Variants in KLHL3 observed in about 807,000 individuals in gnomAD.
KLHL3 encodes the protein kelch like family member 3.
A neutral mutation model predicts 70.5 loss-of-function variants in KLHL3; 19 were observed. The observed-to-expected ratio is 0.27, with a 90% confidence interval of 0.19 to 0.40. The LOEUF (loss-of-function observed/expected upper bound fraction) is 0.40, where lower values mean the gene tolerates loss of function less well. Among genes scored for constraint, KLHL3 ranks in the 10% least tolerant of loss-of-function variants. KLHL3 has a pLI of 1.00. For missense variants in KLHL3, 512 were observed against 771.1 expected (o/e 0.66, Z 3.98); for synonymous variants, 258 against 290.3 (o/e 0.89, Z 1.13).
intron 1 of KLHL3, among the ~76,000 whole-genome samples, chr5:137,733,808 T>C (rs1753217595): frequency 6.6e-6 from 1 of 152,124 alleles, no homozygotes; most frequent in South Asian, 2.1e-4. Context: ...AGTAGGTATA[T>C]GAGTGAGCAG....
At chr5:137,626,966 A>C (rs1029157756) in intron 13 of KLHL3, among the ~76,000 whole-genome samples, 3 of 152,062 alleles carry the variant, frequency 2.0e-5, no homozygotes, top group Admixed American at 2.0e-4. Context: ...ATGCCACTAC[A>C]ATCTAGCCTG....
intron 12 of KLHL3, among the ~76,000 whole-genome samples, chr5:137,632,285 G>A (rs904881680): frequency 2.0e-5 from 3 of 152,146 alleles, no homozygotes; most frequent in Non-Finnish European, 2.9e-5. Context: ...AACTAAAACA[G>A]CATGGTGCTG....
chr5:137,684,640 G>A (rs1752119312), intron 5 of KLHL3, among the ~76,000 whole-genome samples: 1 of 152,158 alleles, frequency 6.6e-6, no homozygotes, highest in African/African-American at 2.4e-5. Context: ...CTCTGCTGAT[G>A]GCCCAGTGTA....
chr5:137,733,004 C>T (rs1226937223), intron 1 of KLHL3, among the ~76,000 whole-genome samples: 1 of 152,060 alleles, frequency 6.6e-6, no homozygotes, highest in Non-Finnish European at 1.5e-5. Flanking sequence ...TTTTCATACC[C>T]TCATGGCAAA....
At chr5:137,637,470 G>T in intron 10 of KLHL3, 75 bp from the exon 11 acceptor site, 1 of 1,315,422 alleles carries the variant, frequency 7.6e-7, no homozygotes, top group Non-Finnish European at 1.1e-6. Flanking sequence ...GTGAGGATGG[G>T]GGAGGAGTCC....
intron 7 of KLHL3, 159 bp downstream of exon 7, chr5:137,661,756 C>T (rs1451336056): frequency 7.2e-6 from 4 of 557,180 alleles, no homozygotes; most frequent in Non-Finnish European, 1.3e-5. Context: ...TGCTCTTAAA[C>T]TTTACAACAC....
chr5:137,622,053 G>A lies in KLHL3; in HGVS notation c.*45C>T, dbSNP rs765065530. The A allele has an allele frequency of 1.9e-6, 3 of 1,609,822 alleles. No homozygotes were observed. The highest frequency in any genetic ancestry group is 4.5e-5 in the East Asian group (2 of 44,862). On this transcript the variant is annotated 3_prime_UTR_variant, in exon 15 of 15. Transcript: ENST00000309755. ...AAGGTCCTGCTGTTCAGAGTCACAG[G>A]CAGCACCTGCTCCTTCCTCCACCTC... is the stretch of plus-strand genomic sequence containing the variant.
In KLHL3 at chr5:137,638,981, G is replaced by A. The variant is rs773325605; in HGVS notation, c.1191C>T (p.Tyr397=). The change falls in exon 10 of 15, where the codon TAC becomes TAT. Residue 397 remains tyrosine, a synonymous_variant. Coordinates refer to ENST00000309755, the MANE Select transcript of KLHL3 (RefSeq NM_017415.3). ...LGAAVLNDLL[Y]AVGGFDGSTG... ...TACTGCCATCAAAGCCTCCCACTGC[G>A]TAGAGCAAGTCATTGAGCACCGCTG... 2.0e-5 allele frequency: 33 copies of A among 1,614,044 alleles called. No individual in the cohort carries two copies. The highest frequency in any genetic ancestry group is 8.0e-5 in the African/African-American group (6 of 74,944).
chr5:137,655,156 T>C (rs1751306528), intron 8 of KLHL3, among the ~76,000 whole-genome samples: 1 of 152,154 alleles, frequency 6.6e-6, no homozygotes, highest in African/African-American at 2.4e-5. Context: ...CAAAGGGAAA[T>C]GTCACAGACA....
At chr5:137,732,699 A>C (rs1420855027) in intron 1 of KLHL3, among the ~76,000 whole-genome samples, 1 of 152,178 alleles carries the variant, frequency 6.6e-6, no homozygotes, top group African/African-American at 2.4e-5. Context: ...AGTATAGGGT[A>C]CAACATAGCA....
chr5:137,665,399 T>G (rs1198833411), intron 6 of KLHL3, among the ~76,000 whole-genome samples: 1 of 152,188 alleles, frequency 6.6e-6, no homozygotes, highest in Non-Finnish European at 1.5e-5. Flanking sequence ...AAAGAGAATT[T>G]CCTCGTTCTT....
At chr5:137,686,782 ACTT>A (rs1752175823) in intron 5 of KLHL3, among the ~76,000 whole-genome samples, 1 of 152,206 alleles carries the variant, frequency 6.6e-6, no homozygotes, top group Admixed American at 6.5e-5. Context: ...ATCATTTTCT[ACTT>A]CTCCTCTAAA....
chr5:137,622,460 T>C (rs570446095), intron 14 of KLHL3, among the ~76,000 whole-genome samples: 1 of 152,384 alleles, frequency 6.6e-6, no homozygotes, highest in African/African-American at 2.4e-5. Flanking sequence ...GGGGCAGCTA[T>C]GCAGTTCTAA....
At chr5:137,723,040 C>T (rs978879468) in intron 1 of KLHL3, among the ~76,000 whole-genome samples, 1 of 152,164 alleles carries the variant, frequency 6.6e-6, no homozygotes, top group Non-Finnish European at 1.5e-5. Flanking sequence ...GTATTTAAAA[C>T]TTTTTATTTT....
At chr5:137,709,951 C>T (rs1391684360) in intron 2 of KLHL3, 95 bp from the exon 3 acceptor site, 2 of 920,442 alleles carry the variant, frequency 2.2e-6, no homozygotes, top group Non-Finnish European at 1.8e-6. Context: ...AGATTTCACA[C>T]TATCACTATA....
intron 4 of KLHL3, among the ~76,000 whole-genome samples, chr5:137,693,630 C>CA (rs1752375625): frequency 6.6e-6 from 1 of 152,154 alleles, no homozygotes; most frequent in Admixed American, 6.5e-5. Context: ...GAAAAAAAAT[C>CA]ACACTACAGA....
chr5:137,732,028 ATTTTACTTT>A, intron 1 of KLHL3, among the ~76,000 whole-genome samples: 1 of 152,108 alleles, frequency 6.6e-6, no homozygotes, highest in African/African-American at 2.4e-5. Context: ...CCTGGTAACC[ATTTTACTTT>A]CTGTCTCTAT....
At chr5:137,687,210 C>T (rs1165182855) in intron 5 of KLHL3, among the ~76,000 whole-genome samples, 3 of 46,384 alleles carry the variant, frequency 6.5e-5, no homozygotes, top group Admixed American at 1.9e-4. Flanking sequence ...GTGAGGAGCC[C>T]CTCTGCCCGG....
At chr5:137,718,004 A>G (rs1189274841) in intron 2 of KLHL3, among the ~76,000 whole-genome samples, 1 of 152,254 alleles carries the variant, frequency 6.6e-6, no homozygotes, top group African/African-American at 2.4e-5. Flanking sequence ...CTATAGTCAA[A>G]TATGTGTGGA....
Sources: gnomAD v4.1 joint callset for allele counts (sites outside exome capture counted in the v4.1 genomes callset) on GRCh38, gnomAD v4.1.1 for gene constraint, MANE v1.5 for transcripts, NCBI Gene and HGNC (gene_info 2026-07-23, HGNC 2026-07-21) for gene names.